The following RBPJ variants were observed in gnomAD, a reference collection of about 807,000 sequenced individuals.
RBPJ encodes the protein recombination signal binding protein for immunoglobulin kappa J region.
Under a neutral mutation model 67.8 loss-of-function variants are expected in RBPJ, and 9 were observed. That is an observed-to-expected ratio of 0.13 (90% CI 0.08 to 0.23). RBPJ has a LOEUF of 0.23. Among genes scored for constraint, RBPJ ranks in the 10% least tolerant of loss-of-function variants. The probability of loss-of-function intolerance (pLI) is 1.00; values close to 1 mark genes in which losing one functional copy is unlikely to be tolerated. For synonymous variants in RBPJ, 198 were observed against 203.3 expected, an observed-to-expected ratio of 0.97 and a Z score of 0.22; for missense variants, 305 against 595.6, an observed-to-expected ratio of 0.51 and a Z score of 5.08.
chr4:26,265,906 A>G (rs1338620600), intron 1 of RBPJ, among the ~76,000 whole-genome samples: 1 of 151,816 alleles, frequency 6.6e-6, no homozygotes, highest in Non-Finnish European at 1.5e-5. Context: ...GCCTGGTGGC[A>G]CATGCCTGTA....
intron 1 of RBPJ, among the ~76,000 whole-genome samples, chr4:26,342,037 C>T (rs1055381844): frequency 6.6e-6 from 1 of 152,140 alleles, no homozygotes. Flanking sequence ...ATCAGAGTCA[C>T]CTGGAGGGCT....
At chr4:26,353,546 C>A (rs1431325569) in intron 1 of RBPJ, among the ~76,000 whole-genome samples, 2 of 151,332 alleles carry the variant, frequency 1.3e-5, no homozygotes, top group East Asian at 3.9e-4. Context: ...ATTAGACAAC[C>A]TTTTTATACT....
At chr4:26,318,264 G>A (rs769256116), upstream of RBPJ, among the ~76,000 whole-genome samples, 2 of 152,102 alleles carry the variant, frequency 1.3e-5, no homozygotes, top group Non-Finnish European at 2.9e-5. Flanking sequence ...GACGTGAGCA[G>A]GAAGACACTG....
chr4:26,322,898 G>A (rs1396397556), intron 1 of RBPJ: 1 of 151,474 alleles, frequency 6.6e-6, no homozygotes, highest in Non-Finnish European at 1.5e-5. Context: ...TATGCTGAAG[G>A]TATTCTTCAA....
chr4:26,150,958 G>A, the RBPJ span, among the ~76,000 whole-genome samples: 6 of 152,206 alleles, frequency 3.9e-5, no homozygotes, highest in East Asian at 1.9e-4. Flanking sequence ...CTTTATTTAC[G>A]GATATACTGA....
chr4:26,270,379 AAGAAAG>A (rs1298420129), intron 1 of RBPJ, among the ~76,000 whole-genome samples: 2 of 47,360 alleles, frequency 4.2e-5, no homozygotes, highest in African/African-American at 1.3e-4. Context: ...GAAAGAAAGA[AAGAAAG>A]AAAGAAAGAA....
intron 1 of RBPJ, among the ~76,000 whole-genome samples, chr4:26,240,570 A>T (rs1719602092): frequency 6.6e-6 from 1 of 152,190 alleles, no homozygotes; most frequent in Non-Finnish European, 1.5e-5. Context: ...GAAGAACATG[A>T]GGAAGAGCAT....
Position 26,197,670 on chromosome 4 carries a change from G to A in RBPJ, c.-167+34056G>A, listed in dbSNP as rs146640262. Among the ~76,000 whole-genome samples, 65 of 152,188 alleles carry A rather than the reference G, an allele frequency of 4.3e-4. No individual in the cohort carries two copies. The Middle Eastern group carries it at 0.01, about 24-fold the overall frequency. On this transcript the variant is annotated intron_variant, in intron 1 of 4. Coordinates refer to the RBPJ transcript ENST00000512351. ...AGCGGCAAGAGAGAAACTACCTGCCGCAGAAATTGCAGCCAGCTTTTGGAG... is the reference window on the plus strand; with the variant it reads ...AGCGGCAAGAGAGAAACTACCTGCCACAGAAATTGCAGCCAGCTTTTGGAG...
the RBPJ span, among the ~76,000 whole-genome samples, chr4:26,137,454 G>A: frequency 6.6e-6 from 1 of 152,190 alleles, no homozygotes; most frequent in African/African-American, 2.4e-5. Flanking sequence ...AGATGACACT[G>A]CTTTGTGACC....
chr4:26,191,299 G>T (rs1717536060), intron 1 of RBPJ, among the ~76,000 whole-genome samples: 1 of 142,160 alleles, frequency 7.0e-6, no homozygotes, highest in Non-Finnish European at 1.5e-5. Context: ...ATCACTCAAG[G>T]ATGATTTTTT....
intron 1 of RBPJ, among the ~76,000 whole-genome samples, chr4:26,323,127 G>C (rs1314519491): frequency 6.6e-6 from 1 of 151,646 alleles, no homozygotes; most frequent in Non-Finnish European, 1.5e-5. Flanking sequence ...TTAATTAATG[G>C]AAAACCATGT....
intron 1 of RBPJ, among the ~76,000 whole-genome samples, chr4:26,375,728 G>T (rs1729651601): frequency 6.6e-6 from 1 of 152,162 alleles, no homozygotes; most frequent in African/African-American, 2.4e-5. Context: ...AAGATGTTCA[G>T]TCCCCATCAG....
chr4:26,138,392 C>A, the RBPJ span, among the ~76,000 whole-genome samples: 722 of 149,442 alleles, frequency 4.8e-3, 4 homozygotes, highest in African/African-American at 0.017. Context: ...AAAGGCAGAG[C>A]AGGGATGAAA....
At chr4:26,282,924 C>CTTTTTTT (rs67501530) in intron 1 of RBPJ, among the ~76,000 whole-genome samples, 2 of 61,654 alleles carry the variant, frequency 3.2e-5, no homozygotes, top group African/African-American at 1.4e-4. Flanking sequence ...AGTGTAGATT[C>CTTTTTTT]TTTTTTTTTT....
upstream of RBPJ, among the ~76,000 whole-genome samples, chr4:26,161,821 G>A (rs972608194): frequency 6.6e-6 from 1 of 152,218 alleles, no homozygotes; most frequent in African/African-American, 2.4e-5. Context: ...GTAGGGAGGA[G>A]GGGGCATGTG....
chr4:26,337,265 C>T (rs935784447), intron 1 of RBPJ, among the ~76,000 whole-genome samples: 4 of 152,112 alleles, frequency 2.6e-5, no homozygotes, highest in Non-Finnish European at 5.9e-5. Flanking sequence ...GCCACCGCAC[C>T]CAGCCTGTTT....
At chr4:26,169,288 C>G (rs9714881) in intron 1 of RBPJ, among the ~76,000 whole-genome samples, 4,568 of 129,336 alleles carry the variant, frequency 0.035, no homozygotes, top group East Asian at 0.076. Context: ...TTCCTTCTAA[C>G]AGACAGGACC....
chr4:26,368,130 C>T (rs977503198), intron 1 of RBPJ: 3 of 152,220 alleles, frequency 2.0e-5, no homozygotes, highest in Non-Finnish European at 4.4e-5. Flanking sequence ...AATAACCTCT[C>T]CCAATCAGTG....
At chr4:26,174,881 G>A (rs1021989159) in intron 1 of RBPJ, among the ~76,000 whole-genome samples, 7 of 151,924 alleles carry the variant, frequency 4.6e-5, no homozygotes, top group African/African-American at 7.3e-5. Flanking sequence ...ACATCAAACC[G>A]TAGATTTCAT....
Sources: allele counts gnomAD v4.1 joint callset (sites outside exome capture counted in the v4.1 genomes callset), GRCh38; gene constraint gnomAD v4.1.1; transcripts MANE v1.5; gene names NCBI Gene and HGNC (gene_info 2026-07-23, HGNC 2026-07-21).